ONECUT2: variants seen among roughly 807,000 people sequenced by gnomAD.
ONECUT2 encodes one cut homeobox 2.
Under a neutral mutation model 27.9 loss-of-function variants are expected in ONECUT2, and 10 were observed. That is an observed-to-expected ratio of 0.36 (90% CI 0.22 to 0.61). The LOEUF is 0.61. Ranked by LOEUF, ONECUT2 falls within the 20% of genes least tolerant of loss-of-function variation. ONECUT2 has a pLI of 0.73. For missense variants in ONECUT2, 686 were observed against 721.0 expected, an observed-to-expected ratio of 0.95 and a Z score of 0.56; for synonymous variants, 334 against 315.1, an observed-to-expected ratio of 1.06 and a Z score of -0.64.
chr18:57,490,652 G>A lies in ONECUT2; in HGVS notation c.*13929G>A, dbSNP rs2050461172. The stretch of plus-strand genomic sequence containing the variant: ...AGCTATTCTAGAAACTCAGTCCTTT[G>A]TGGAAACCCAACTACCTTTTAAAAG... On this transcript the variant is annotated 3_prime_UTR_variant, in exon 2 of 2. Transcript: ENST00000491143. 1.3e-5 allele frequency: 2 copies of A among 152,174 alleles called. No homozygotes were observed. The highest frequency in any genetic ancestry group is 4.8e-5 in the African/African-American group (2 of 41,432). The allele number at this position is 152,174 out of a possible 1,614,324, so 9.4% of individuals were successfully genotyped here. A position where few individuals can be genotyped will look rare whatever the true frequency, so the allele number is the denominator to read the frequency against.
At chr18:57,443,548 C>T (rs2050186754) in intron 1 of ONECUT2, among the ~76,000 whole-genome samples, 1 of 152,182 alleles carries the variant, frequency 6.6e-6, no homozygotes, top group Non-Finnish European at 1.5e-5. Flanking sequence ...AGGCTTTTTC[C>T]CTAACCAACC....
chr18:57,470,293 C>T (rs1039910834), intron 1 of ONECUT2, among the ~76,000 whole-genome samples: 1 of 152,232 alleles, frequency 6.6e-6, no homozygotes, highest in East Asian at 1.9e-4. Flanking sequence ...GATTCTGACC[C>T]GGTGTTGAGT....
chr18:57,460,687 CTTTT>C (rs66773926), intron 1 of ONECUT2, among the ~76,000 whole-genome samples: 4 of 112,960 alleles, frequency 3.5e-5, no homozygotes, highest in Non-Finnish European at 5.2e-5. Flanking sequence ...TCATTCAAAT[CTTTT>C]TTTTTTTTTT....
rs1475017868 is a variant in ONECUT2 at position 57,478,370 on chromosome 18, T to A, written c.*1647T>A. 6.6e-6 allele frequency: 1 copy of A among 152,664 alleles called. No homozygotes were observed. The highest frequency in any genetic ancestry group is 2.4e-5 in the African/African-American group (1 of 41,468). 9.5% of individuals were successfully genotyped at this position (152,664 alleles called of 1,614,324 possible). A position where few individuals can be genotyped will look rare whatever the true frequency, so the allele number is the denominator to read the frequency against. ...TTCTTTACAGACACTTGAGACTGACTTTTTTATGAATTACTTAGTCGAAAC... is the reference window on the plus strand; with the variant it reads ...TTCTTTACAGACACTTGAGACTGACATTTTTATGAATTACTTAGTCGAAAC... On this transcript the variant is annotated 3_prime_UTR_variant, in exon 2 of 2. Coordinates refer to ENST00000491143, the MANE Select transcript of ONECUT2 (RefSeq NM_004852.3).
intron 1 of ONECUT2, among the ~76,000 whole-genome samples, chr18:57,451,400 C>T (rs970522210): frequency 5.9e-5 from 9 of 152,104 alleles, no homozygotes; most frequent in Admixed American, 2.6e-4. Flanking sequence ...GGCAGGGTTG[C>T]GCTGGGCAGG....
At chr18:57,447,376 T>A (rs523031) in intron 1 of ONECUT2, among the ~76,000 whole-genome samples, 1 of 152,170 alleles carries the variant, frequency 6.6e-6, no homozygotes, top group African/African-American at 2.4e-5. Context: ...CTGACCAGTA[T>A]CTCCAGCTCT....
chr18:57,471,259 T>C (rs652402), intron 1 of ONECUT2, among the ~76,000 whole-genome samples: 95,635 of 152,104 alleles, frequency 0.63, 32,449 homozygotes, highest in Middle Eastern at 0.8. Flanking sequence ...CCGGTTAGTC[T>C]GGGTGTCAGA....
intron 1 of ONECUT2, among the ~76,000 whole-genome samples, chr18:57,455,067 C>A (rs2050251545): frequency 6.6e-6 from 1 of 152,188 alleles, no homozygotes; most frequent in South Asian, 2.1e-4. Context: ...TTTATAGACA[C>A]CCCGGTGGTC....
intron 1 of ONECUT2, among the ~76,000 whole-genome samples, chr18:57,461,198 T>C (rs901826463): frequency 6.6e-6 from 1 of 152,178 alleles, no homozygotes; most frequent in Non-Finnish European, 1.5e-5. Flanking sequence ...ACTCACTATA[T>C]GTGTATTCCT....
chr18:57,463,736 T>A (rs181022335), intron 1 of ONECUT2, among the ~76,000 whole-genome samples: 3 of 152,164 alleles, frequency 2.0e-5, no homozygotes, highest in Admixed American at 6.5e-5. Flanking sequence ...CTATTGTAAA[T>A]GATATCATTT....
intron 1 of ONECUT2, among the ~76,000 whole-genome samples, chr18:57,448,321 T>A (rs943297247): frequency 6.6e-6 from 1 of 152,096 alleles, no homozygotes; most frequent in African/African-American, 2.4e-5. Context: ...TAAATGAGAA[T>A]TTTTTTTCCC....
chr18:57,444,719 A>T (rs368443048), intron 1 of ONECUT2, among the ~76,000 whole-genome samples: 1 of 152,230 alleles, frequency 6.6e-6, no homozygotes, highest in Admixed American at 6.5e-5. Flanking sequence ...TTTCATATTG[A>T]TCCTATTGAT....
At chr18:57,441,159 G>A (rs1419137861) in intron 1 of ONECUT2, among the ~76,000 whole-genome samples, 1 of 152,242 alleles carries the variant, frequency 6.6e-6, no homozygotes, top group East Asian at 1.9e-4. Context: ...GCTTTCCACT[G>A]TGTGGTTATG....
At chr18:57,439,386 G>C (rs539920162) in intron 1 of ONECUT2, among the ~76,000 whole-genome samples, 1 of 152,244 alleles carries the variant, frequency 6.6e-6, no homozygotes, top group African/African-American at 2.4e-5. Context: ...TGAGGACCCC[G>C]CTTTGCTCGA....
intron 1 of ONECUT2, chr18:57,467,225 G>A (rs1275202704): frequency 2.2e-6 from 1 of 456,310 alleles, no homozygotes; most frequent in Admixed American, 2.4e-5. Flanking sequence ...CCGACAGTAA[G>A]TGGACACTGG....
At chr18:57,464,582 G>A (rs1241435479) in intron 1 of ONECUT2, among the ~76,000 whole-genome samples, 2 of 152,134 alleles carry the variant, frequency 1.3e-5, no homozygotes, top group East Asian at 1.9e-4. Context: ...GCAAGACAGA[G>A]ATACTTTTCC....
At chr18:57,467,345 G>GGT in intron 1 of ONECUT2, 1 of 225,614 alleles carries the variant, frequency 4.4e-6, no homozygotes, top group South Asian at 2.7e-5. Flanking sequence ...ATTTCCTTTG[G>GGT]TTTTTTTTTT....
chr18:57,464,214 A>G (rs1165761488), intron 1 of ONECUT2, among the ~76,000 whole-genome samples: 2 of 152,172 alleles, frequency 1.3e-5, no homozygotes, highest in Non-Finnish European at 2.9e-5. Context: ...ATGAGTTTAT[A>G]CACGTAGAAT....
In ONECUT2 at chr18:57,490,332, A is replaced by G. The variant is rs1341784584; in HGVS notation, c.*13609A>G. On this transcript the variant is annotated 3_prime_UTR_variant, in exon 2 of 2. Transcript: ENST00000491143. ...TCAGTCCTGGGTCTTTTCTCACTTT[A>G]GACCCTGGCCTCAGATGTGTTTATT... The G allele has an allele frequency of 6.6e-6, 1 of 152,184 alleles. No homozygotes were observed. The highest frequency in any genetic ancestry group is 1.9e-4 in the East Asian group (1 of 5,194). 9.4% of individuals were successfully genotyped at this position (152,184 alleles called of 1,614,324 possible). A position where few individuals can be genotyped will look rare whatever the true frequency, so the allele number is the denominator to read the frequency against.
Sources: allele counts gnomAD v4.1 joint callset (sites outside exome capture counted in the v4.1 genomes callset), GRCh38; gene constraint gnomAD v4.1.1; transcripts MANE v1.5; gene names NCBI Gene and HGNC (gene_info 2026-07-23, HGNC 2026-07-21).